Variants in DNAH17 observed in about 807,000 individuals in gnomAD.
DNAH17 encodes axonemal beta dynein heavy chain 17.
Under a neutral mutation model 485.6 loss-of-function variants are expected in DNAH17, and 376 were observed. The observed-to-expected ratio is 0.77, with a 90% CI of 0.71 to 0.84. The LOEUF is 0.84. DNAH17 is among the 40% of genes least tolerant of loss of function. DNAH17 has a pLI of 0.00. For missense variants in DNAH17, 6,370 were observed against 5,839.3 expected, an observed-to-expected ratio of 1.09 and a Z score of -2.96; for synonymous variants, 3,031 against 2,405.9, an observed-to-expected ratio of 1.26 and a Z score of -7.60.
intron 42 of DNAH17, among the ~76,000 whole-genome samples, chr17:78,491,900 A>G (rs754506403): frequency 6.6e-6 from 1 of 152,142 alleles, no homozygotes; most frequent in Non-Finnish European, 1.5e-5. Flanking sequence ...AGCTCTGTCC[A>G]TCTGTCCACT....
At chr17:78,466,298 G>A (rs181539529) in intron 56 of DNAH17, among the ~76,000 whole-genome samples, 1 of 152,264 alleles carries the variant, frequency 6.6e-6, no homozygotes, top group Admixed American at 6.5e-5. Context: ...CACTGCCGAA[G>A]GCCGGAAGGC....
rs1196226643 is a variant in DNAH17 at position 78,480,719 on chromosome 17, T to C, written c.7717A>G (p.Thr2573Ala). Residue 2573 changes from threonine to alanine, a missense_variant, in exon 49 of 81, where the codon ACT becomes GCT. Physicochemically the swap from Thr to Ala is moderately conservative, Grantham distance 58. Coordinates refer to ENST00000389840, the MANE Select transcript of DNAH17 (RefSeq NM_173628.4). ...NCQYVACMNPTSGSFTIDSRL... is the reference protein window; with the variant it reads ...NCQYVACMNPASGSFTIDSRL... ...GAGTCGATGGTGAAGGATCCGGAAG[T>C]GGGGTTCATGCAGGCCACGTACTGA... 1 of 1,613,716 alleles carries C rather than the reference T, an allele frequency of 6.2e-7. No homozygotes were observed. Among genetic ancestry groups the C allele is most frequent in the Non-Finnish European group, 8.5e-7 (1 of 1,179,846 alleles).
At chr17:78,558,635 T>C (rs2092084242) in intron 13 of DNAH17, among the ~76,000 whole-genome samples, 1 of 152,134 alleles carries the variant, frequency 6.6e-6, no homozygotes, top group African/African-American at 2.4e-5. Context: ...GTGGATGATA[T>C]CATCATCACC....
chr17:78,448,200 C>T lies in DNAH17; in HGVS notation c.11211+1214G>A, dbSNP rs564315774. Among the ~76,000 whole-genome samples, 4 of 146,202 alleles carry T rather than the reference C, an allele frequency of 2.7e-5. No individual in the cohort carries two copies. In the East Asian group the frequency reaches 7.9e-4, roughly 29 times the overall value. The stretch of plus-strand genomic sequence containing the variant: ...AAACAAACAAACAAAAAAACCAGAA[C>T]AGAAAAAAAAAAAAATTAGCTAGGC... On this transcript the variant is annotated intron_variant, in intron 69 of 80. Transcript: ENST00000389840.
chr17:78,476,242 C>T (rs548727490), intron 52 of DNAH17, among the ~76,000 whole-genome samples: 4 of 129,226 alleles, frequency 3.1e-5, no homozygotes, highest in Non-Finnish European at 7.2e-5. Flanking sequence ...GTGGAACCCT[C>T]GGACCCACAG....
chr17:78,527,112 G>A (rs1194416696), intron 22 of DNAH17, 116 bp from the exon 23 acceptor site: 2 of 809,666 alleles, frequency 2.5e-6, no homozygotes, highest in Non-Finnish European at 3.8e-6. Context: ...GGCCGGCGCG[G>A]TGGCTCACAC....
chr17:78,555,366 G>A (rs941119496), intron 14 of DNAH17, among the ~76,000 whole-genome samples: 3 of 151,804 alleles, frequency 2.0e-5, no homozygotes, highest in Non-Finnish European at 4.4e-5. Flanking sequence ...ACTAAATCAT[G>A]GTGCTCCTAC....
intron 18 of DNAH17, among the ~76,000 whole-genome samples, chr17:78,539,520 G>A (rs1289874056): frequency 6.6e-6 from 1 of 152,204 alleles, no homozygotes; most frequent in Non-Finnish European, 1.5e-5. Context: ...TGTTATGGCA[G>A]ATTTAAAGTG....
At chr17:78,509,006 A>C (rs2090563867) in intron 27 of DNAH17, among the ~76,000 whole-genome samples, 1 of 122,214 alleles carries the variant, frequency 8.2e-6, no homozygotes, top group Non-Finnish European at 1.7e-5. Context: ...TCACTTTGTC[A>C]CCCAGGCTGG....
At chr17:78,430,833 CAGCCTCCCAA>C (rs1268693356) in intron 75 of DNAH17, among the ~76,000 whole-genome samples, 1 of 152,040 alleles carries the variant, frequency 6.6e-6, no homozygotes, top group East Asian at 1.9e-4. Flanking sequence ...CTGCCTGCCT[CAGCCTCCCAA>C]AGTGCTGGGA....
chr17:78,572,718 CGTGCCATCCAGGCTGCCCAG>C lies in DNAH17; in HGVS notation c.502_521del (p.Leu168AlafsTer20). Reference sequence around the variant, plus strand: ...CCACACACCTCTCCATGGACTCCAGCGTGCCATCCAGGCTGCCCAGGTGCTCCGGAATAGGCAGCAAGGTT... The same window carrying C: ...CCACACACCTCTCCATGGACTCCAGCGTGCTCCGGAATAGGCAGCAAGGTT... On this transcript the variant is annotated frameshift_variant, in exon 3 of 81. Transcript: ENST00000389840. LOFTEE classifies it high-confidence loss of function. 4 of 1,607,496 alleles carry C rather than the reference CGTGCCATCCAGGCTGCCCAG, an allele frequency of 2.5e-6. No homozygotes were observed. Among genetic ancestry groups the C allele is most frequent in the Non-Finnish European group, 3.4e-6 (4 of 1,177,282 alleles).
At chr17:78,506,289 G>A (rs973632590) in intron 30 of DNAH17, among the ~76,000 whole-genome samples, 2 of 151,618 alleles carry the variant, frequency 1.3e-5, no homozygotes, top group African/African-American at 4.8e-5. Context: ...TTACAGGTGT[G>A]AGCCACTGTG....
At chr17:78,482,798 G>A (rs894879968) in intron 48 of DNAH17, among the ~76,000 whole-genome samples, 1 of 152,142 alleles carries the variant, frequency 6.6e-6, no homozygotes, top group African/African-American at 2.4e-5. Context: ...ATTCTAGAAG[G>A]ATCTTTTGAA....
At chr17:78,518,373 CTTAGA>C in intron 25 of DNAH17, among the ~76,000 whole-genome samples, 1 of 152,176 alleles carries the variant, frequency 6.6e-6, no homozygotes, top group African/African-American at 2.4e-5. Context: ...TCAAGCCAAC[CTTAGA>C]GCAAAGAAAA....
At chr17:78,504,009 A>C (rs916904356) in intron 31 of DNAH17, among the ~76,000 whole-genome samples, 1 of 150,542 alleles carries the variant, frequency 6.6e-6, no homozygotes, top group Non-Finnish European at 1.5e-5. Flanking sequence ...CAAAAAAAAA[A>C]CCATACTCAC....
At chr17:78,516,409 G>C (rs1158464592) in intron 25 of DNAH17, among the ~76,000 whole-genome samples, 2 of 152,144 alleles carry the variant, frequency 1.3e-5, no homozygotes, top group African/African-American at 4.8e-5. Context: ...ACTTGAGGCC[G>C]GGTGCGGCGG....
chr17:78,427,631 G>A (rs2086522457), intron 77 of DNAH17, among the ~76,000 whole-genome samples: 1 of 152,156 alleles, frequency 6.6e-6, no homozygotes, highest in Non-Finnish European at 1.5e-5. Flanking sequence ...TCTTTACCGG[G>A]AAGTCCTGTA....
chr17:78,460,347 T>TGTGTGTGCAC, intron 58 of DNAH17, 90 bp from the exon 59 acceptor site: 6 of 986,500 alleles, frequency 6.1e-6, no homozygotes, highest in Non-Finnish European at 9.1e-6. Flanking sequence ...TGTGTGTGCA[T>TGTGTGTGCAC]GTGTGTGCAT....
chr17:78,514,658 T>C (rs764708865), intron 26 of DNAH17, 116 bp downstream of exon 26: 1 of 1,385,066 alleles, frequency 7.2e-7, no homozygotes, highest in Admixed American at 2.4e-5. Context: ...CCTGCCCACA[T>C]TGGCTTTACC....
Sources: gnomAD v4.1 joint callset for allele counts (sites outside exome capture counted in the v4.1 genomes callset) on GRCh38, gnomAD v4.1.1 for gene constraint, MANE v1.5 for transcripts, NCBI Gene and HGNC (gene_info 2026-07-23, HGNC 2026-07-21) for gene names.